Variants in EFHD1 observed in about 807,000 individuals in gnomAD.
EFHD1 encodes the protein EF-hand domain-containing protein D1.
A neutral mutation model predicts 17.2 loss-of-function variants in EFHD1; 10 were observed. The observed-to-expected ratio is 0.58, with a 90% CI of 0.36 to 0.99. The LOEUF is 0.99. Among genes scored for constraint, EFHD1 ranks in the 50% least tolerant of loss-of-function variants. The probability of loss-of-function intolerance (pLI) is 0.01; values close to 1 mark genes in which losing one functional copy is unlikely to be tolerated. For synonymous variants in EFHD1, 153 were observed against 142.0 expected (o/e 1.08, Z -0.55); for missense variants, 310 against 327.5 (o/e 0.95, Z 0.41).
intron 3 of EFHD1, among the ~76,000 whole-genome samples, chr2:232,678,882 T>G (rs560986148): frequency 2.6e-5 from 4 of 152,156 alleles, no homozygotes; most frequent in African/African-American, 9.6e-5. Context: ...CAATAAAAGG[T>G]GTTGAGACAA....
chr2:232,646,429 T>G lies in EFHD1; in HGVS notation c.302+12423T>G, dbSNP rs184792143. Among the ~76,000 whole-genome samples, 288 of 144,126 alleles carry G rather than the reference T, an allele frequency of 2.0e-3. 4 individuals are homozygous for G. The highest frequency in any genetic ancestry group is 0.016 in the Admixed American group (218 of 13,804). 94.6% of individuals were successfully genotyped at this position (144,126 alleles called of 152,430 possible). ...TGCTGATTCTCTCTTTTCTCTTCTCTTCTCTTCTTTTTTTTTTTTTTTTTT... is the reference window on the plus strand; with the variant it reads ...TGCTGATTCTCTCTTTTCTCTTCTCGTCTCTTCTTTTTTTTTTTTTTTTTT... On this transcript the variant is annotated intron_variant, in intron 1 of 3. Transcript: ENST00000264059.
At chr2:232,666,789 A>G (rs1003822360) in intron 2 of EFHD1, among the ~76,000 whole-genome samples, 3 of 152,180 alleles carry the variant, frequency 2.0e-5, no homozygotes, top group Non-Finnish European at 4.4e-5. Flanking sequence ...GTATAAGGAC[A>G]TGCTGCCACT....
upstream of EFHD1, among the ~76,000 whole-genome samples, chr2:232,631,460 T>C (rs906060993): frequency 6.6e-6 from 1 of 151,568 alleles, no homozygotes; most frequent in African/African-American, 2.4e-5. Context: ...AGTTGTTTTT[T>C]ATTTTATTTT....
Position 232,633,676 on chromosome 2 carries a change from C to G in EFHD1, c.-29C>G. ...CTCCCTGCGTCCCGTCCCGCGTCCC[C>G]GCGTTCCCGCGTCCTGCGATCCGCC... On this transcript the variant is annotated 5_prime_UTR_variant, in exon 1 of 4. Coordinates refer to ENST00000264059, the MANE Select transcript of EFHD1 (RefSeq NM_025202.4). The G allele has an allele frequency of 2.8e-6, 4 of 1,405,080 alleles. No individual in the cohort carries two copies. The allele number at this position is 1,405,080 out of a possible 1,614,324, so 87.0% of individuals were successfully genotyped here.
chr2:232,619,232 A>AT (rs139398078), intron 1 of EFHD1, among the ~76,000 whole-genome samples: 67,892 of 151,358 alleles, frequency 0.45, 15,859 homozygotes, highest in Middle Eastern at 0.61. Context: ...AATGGGCAAA[A>AT]TGTAAAGACA....
intron 1 of EFHD1, among the ~76,000 whole-genome samples, chr2:232,637,928 C>T (rs919597498): frequency 6.6e-6 from 1 of 152,144 alleles, no homozygotes; most frequent in Non-Finnish European, 1.5e-5. Flanking sequence ...GAGTGGTGTC[C>T]TTTGTGAGTC....
chr2:232,623,682 AAAAAAAAAAAAAGAAGAAG>A (rs1399845600), intron 1 of EFHD1, among the ~76,000 whole-genome samples: 11 of 122,264 alleles, frequency 9.0e-5, no homozygotes, highest in African/African-American at 2.3e-4. Flanking sequence ...CCAAAAAAAA[AAAAAAAAAAAAAGAAGAAG>A]AAGAAGAAGA....
intron 2 of EFHD1, among the ~76,000 whole-genome samples, chr2:232,668,854 G>A (rs1264697858): frequency 6.6e-6 from 1 of 151,932 alleles, no homozygotes; most frequent in Non-Finnish European, 1.5e-5. Flanking sequence ...TGCTGGTCTC[G>A]AACTCCGGAC....
chr2:232,607,364 G>T (rs1225036689), intron 1 of EFHD1, among the ~76,000 whole-genome samples: 1 of 151,410 alleles, frequency 6.6e-6, no homozygotes, highest in African/African-American at 2.4e-5. Flanking sequence ...GGCGGGTGGG[G>T]ATCACCTGAG....
At chr2:232,681,376 C>T (rs1235840932) in intron 3 of EFHD1, among the ~76,000 whole-genome samples, 2 of 152,164 alleles carry the variant, frequency 1.3e-5, no homozygotes, top group East Asian at 1.9e-4. Flanking sequence ...GCAACAAATA[C>T]AGTGATGTGT....
intron 3 of EFHD1, among the ~76,000 whole-genome samples, chr2:232,680,658 G>A (rs1030906229): frequency 1.3e-5 from 2 of 152,010 alleles, no homozygotes; most frequent in Admixed American, 1.3e-4. Flanking sequence ...AAAGGCACAC[G>A]TCACCATACC....
At chr2:232,634,084 CCT>C in intron 1 of EFHD1, 78 bp downstream of exon 1, 1 of 1,557,336 alleles carries the variant, frequency 6.4e-7, no homozygotes, top group Non-Finnish European at 8.6e-7. Flanking sequence ...AGTCCCGGGC[CCT>C]GTTTGTGTGG....
intron 1 of EFHD1, among the ~76,000 whole-genome samples, chr2:232,607,611 C>G (rs919511527): frequency 6.6e-6 from 1 of 150,932 alleles, no homozygotes; most frequent in Non-Finnish European, 1.5e-5. Flanking sequence ...AAAAAATTAG[C>G]TGGGTGTAGT....
At position 232,627,144 on chromosome 2, in the gene EFHD1, T is replaced by A. The variant is rs187239977; in HGVS notation, c.14+20971T>A. On this transcript the variant is annotated intron_variant, in intron 1 of 3. Coordinates refer to the EFHD1 transcript ENST00000409613. ...TACTAGGGAGGCTGAGGTAGGAGGA[T>A]CACTTAACCCCAGGAGTTTGAGGCT... Among the ~76,000 whole-genome samples the A allele has an allele frequency of 1.4e-3, 202 of 146,516 alleles. 1 individual carries two copies. The highest frequency in any genetic ancestry group is 3.0e-4 in the Non-Finnish European group (20 of 67,060).
intron 3 of EFHD1, among the ~76,000 whole-genome samples, chr2:232,676,670 A>G (rs1051897685): frequency 6.6e-6 from 1 of 152,200 alleles, no homozygotes; most frequent in African/African-American, 2.4e-5. Context: ...CATAGACCAC[A>G]GGAGCTAACT....
chr2:232,641,352 A>T (rs1457434058), intron 1 of EFHD1, among the ~76,000 whole-genome samples: 1 of 152,124 alleles, frequency 6.6e-6, no homozygotes, highest in African/African-American at 2.4e-5. Context: ...GTTACTGAGA[A>T]ATGGAACGAA....
At chr2:232,663,578 G>T (rs1290275083) in intron 2 of EFHD1, among the ~76,000 whole-genome samples, 1 of 152,028 alleles carries the variant, frequency 6.6e-6, no homozygotes, top group Non-Finnish European at 1.5e-5. Flanking sequence ...TGTTGACCAT[G>T]CTGGTCTCAA....
At chr2:232,641,178 G>A (rs1258765334) in intron 1 of EFHD1, among the ~76,000 whole-genome samples, 3 of 152,066 alleles carry the variant, frequency 2.0e-5, no homozygotes, top group Non-Finnish European at 2.9e-5. Flanking sequence ...GAGTAACTGG[G>A]ACTACAGGCA....
In EFHD1 at chr2:232,672,333, G is replaced by A. The variant is rs141506154; in HGVS notation, c.475G>A (p.Ala159Thr). The change falls in exon 3 of 4, where the codon GCG becomes ACG. Residue 159 changes from alanine (A) to threonine (T), a missense_variant. Coordinates refer to ENST00000264059, the MANE Select transcript of EFHD1 (RefSeq NM_025202.4). ...GTTCCTGCTCATTTTCCACAAGGCC[G>A]CGGCAGGGGAGCTGCAGGAGGACAG... ...REFLLIFHKA[A>T]AGELQEDSGL... The A allele has an allele frequency of 2.2e-4, 361 of 1,614,140 alleles. 1 individual carries two copies. The highest frequency in any genetic ancestry group is 2.0e-4 in the Admixed American group (12 of 60,012).
Sources: allele counts gnomAD v4.1 joint callset (sites outside exome capture counted in the v4.1 genomes callset), GRCh38; gene constraint gnomAD v4.1.1; transcripts MANE v1.5; gene names NCBI Gene and HGNC (gene_info 2026-07-23, HGNC 2026-07-21).